The following SCRN1 variants were observed in gnomAD, a reference collection of about 807,000 sequenced individuals.
SCRN1 encodes the protein secernin-1.
SCRN1 carries 19 observed loss-of-function variants against 43.3 expected under a neutral mutation model. That is an observed-to-expected ratio of 0.44 (90% confidence interval 0.31 to 0.64). SCRN1 has a LOEUF of 0.64. Ranked by LOEUF, SCRN1 falls within the 30% of genes least tolerant of loss-of-function variation. The pLI, the probability that SCRN1 is intolerant of heterozygous loss-of-function variation, is 0.09. For synonymous variants in SCRN1, 183 were observed against 188.9 expected (o/e 0.97, Z 0.26); for missense variants, 447 against 524.1 (o/e 0.85, Z 1.44).
chr7:29,982,006 G>A (rs948335039), intron 1 of SCRN1, among the ~76,000 whole-genome samples: 4 of 152,166 alleles, frequency 2.6e-5, no homozygotes, highest in African/African-American at 9.7e-5. Context: ...AAGTCTTGGA[G>A]GCCTGTGGTT....
intron 1 of SCRN1, 162 bp from the exon 2 acceptor site, chr7:29,969,230 GCAGTGGA>G: frequency 1.5e-6 from 1 of 674,416 alleles, no homozygotes; most frequent in Non-Finnish European, 2.3e-6. Context: ...TGGGACGCCT[GCAGTGGA>G]ATGACAGAGC....
intron 5 of SCRN1, among the ~76,000 whole-genome samples, chr7:29,937,791 T>A (rs1193512802): frequency 9.2e-5 from 14 of 152,228 alleles, no homozygotes; most frequent in Admixed American, 9.2e-4. Flanking sequence ...GTTAAAACAC[T>A]ATTTCAGTCT....
intron 2 of SCRN1, among the ~76,000 whole-genome samples, chr7:29,967,885 G>A (rs750876569): frequency 7.2e-5 from 11 of 152,134 alleles, no homozygotes; most frequent in African/African-American, 1.7e-4. Context: ...AATAGCCATC[G>A]TGAAAGTTTG....
chr7:29,935,279 C>T (rs961710642), intron 6 of SCRN1, among the ~76,000 whole-genome samples: 1 of 152,200 alleles, frequency 6.6e-6, no homozygotes, highest in Non-Finnish European at 1.5e-5. Context: ...CAAAGGGTCA[C>T]AAGAGGTGCT....
chr7:29,924,986 A>G (rs1562799174), intron 7 of SCRN1, among the ~76,000 whole-genome samples: 1 of 152,184 alleles, frequency 6.6e-6, no homozygotes. Context: ...TCTTGAACAC[A>G]CAGCCCTTTC....
intron 3 of SCRN1, among the ~76,000 whole-genome samples, chr7:29,952,389 C>T (rs1787970945): frequency 6.6e-6 from 1 of 152,086 alleles, no homozygotes; most frequent in African/African-American, 2.4e-5. Flanking sequence ...AGAATTAAAT[C>T]ATTAAAAAGG....
chr7:29,926,410 CCCGCCT>C (rs759570581), intron 7 of SCRN1, 36 bp downstream of exon 7: 68 of 1,597,106 alleles, frequency 4.3e-5, no homozygotes, highest in African/African-American at 1.2e-4. Context: ...ACCTCGCCCG[CCCGCCT>C]CCGCCTCCGC....
chr7:29,946,254 CA>C (rs1359807581), intron 3 of SCRN1, among the ~76,000 whole-genome samples: 1 of 152,184 alleles, frequency 6.6e-6, no homozygotes, highest in Non-Finnish European at 1.5e-5. Context: ...TCATCTTCTC[CA>C]AAGAGAAGGA....
At chr7:29,981,613 C>A (rs967568995) in intron 1 of SCRN1, among the ~76,000 whole-genome samples, 1 of 152,088 alleles carries the variant, frequency 6.6e-6, no homozygotes, top group African/African-American at 2.4e-5. Flanking sequence ...GTTGGGAGGC[C>A]CCAGGCTCTC....
chr7:29,933,487 A>G (rs147595087), intron 6 of SCRN1, among the ~76,000 whole-genome samples: 118 of 152,274 alleles, frequency 7.7e-4, no homozygotes, highest in Middle Eastern at 3.4e-3. Context: ...CTTCACATCA[A>G]TGAAGCTTTA....
At chr7:29,935,572 A>G (rs955562489) in intron 6 of SCRN1, among the ~76,000 whole-genome samples, 1 of 152,356 alleles carries the variant, frequency 6.6e-6, no homozygotes, top group Admixed American at 6.5e-5. Context: ...TACCTGACAG[A>G]TTCCTAGGTC....
intron 3 of SCRN1, 53 bp from the exon 4 acceptor site, chr7:29,944,232 T>C: frequency 6.4e-7 from 1 of 1,554,274 alleles, no homozygotes; most frequent in Non-Finnish European, 8.9e-7. Flanking sequence ...CACAGGATTG[T>C]TACTAGAGTA....
intron 7 of SCRN1, 132 bp from the exon 8 acceptor site, chr7:29,924,247 C>A: frequency 1.2e-6 from 1 of 808,436 alleles, no homozygotes. Context: ...GTTTCACACA[C>A]GACTGCCGCA....
chr7:29,944,301 T>G, intron 3 of SCRN1, 122 bp from the exon 4 acceptor site: 4 of 776,992 alleles, frequency 5.1e-6, no homozygotes, highest in Non-Finnish European at 8.6e-6. Flanking sequence ...ACATGTTAAG[T>G]CTGCAGAACA....
chr7:29,990,276 A>G (rs1789331324), upstream of SCRN1: 1 of 1,550,672 alleles, frequency 6.4e-7, no homozygotes, highest in African/African-American at 1.4e-5. Flanking sequence ...GTACTTGGAC[A>G]TTGTGGCCTA....
intron 1 of SCRN1, among the ~76,000 whole-genome samples, chr7:29,975,749 C>T (rs1305765687): frequency 6.6e-6 from 1 of 152,198 alleles, no homozygotes; most frequent in Non-Finnish European, 1.5e-5. Context: ...GGCAAATACC[C>T]ATTAGGATTC....
At chr7:29,947,328 G>A (rs1583666849) in intron 3 of SCRN1, 3 of 1,550,640 alleles carry the variant, frequency 1.9e-6, no homozygotes, top group Non-Finnish European at 2.6e-6. Context: ...ATCTCACTGA[G>A]AAAGATGGGT....
At chr7:29,967,967 C>T (rs1788549914) in intron 2 of SCRN1, among the ~76,000 whole-genome samples, 1 of 152,150 alleles carries the variant, frequency 6.6e-6, no homozygotes, top group African/African-American at 2.4e-5. Flanking sequence ...AACGGTACAC[C>T]ACCTATGGAA....
At chr7:29,957,357 A>C (rs1788168654) in intron 2 of SCRN1, among the ~76,000 whole-genome samples, 1 of 152,184 alleles carries the variant, frequency 6.6e-6, no homozygotes, top group Non-Finnish European at 1.5e-5. Context: ...TGCCTGCTTC[A>C]TTCCTGAAGC....
Sources: allele counts gnomAD v4.1 joint callset (sites outside exome capture counted in the v4.1 genomes callset), GRCh38; gene constraint gnomAD v4.1.1; transcripts MANE v1.5; gene names NCBI Gene and HGNC (gene_info 2026-07-23, HGNC 2026-07-21).